SPECC1: variants seen among roughly 807,000 people sequenced by gnomAD.
SPECC1 encodes the protein cytospin-B.
A neutral mutation model predicts 104.1 loss-of-function variants in SPECC1; 62 were observed. That is an observed-to-expected ratio of 0.60 (90% CI 0.49 to 0.74). The LOEUF is 0.74. Ranked by LOEUF, SPECC1 falls within the 30% of genes least tolerant of loss-of-function variation. SPECC1 has a pLI of 0.00. For synonymous variants in SPECC1, 513 were observed against 501.6 expected, an observed-to-expected ratio of 1.02 and a Z score of -0.30; for missense variants, 1,306 against 1,310.5, an observed-to-expected ratio of 1.00 and a Z score of 0.05.
rs558083601 is a variant in SPECC1 at position 20,216,262 on chromosome 17, TC to T, written c.1863+10357del. 3.0e-3 allele frequency among the ~76,000 whole-genome samples: 459 copies of T among 151,640 alleles called. 4 individuals carry two copies. The highest frequency in any genetic ancestry group is 0.01 in the African/African-American group (431 of 41,336). On this transcript the variant is annotated intron_variant, in intron 4 of 14. Coordinates refer to ENST00000395527, the MANE Select transcript of SPECC1 (RefSeq NM_001243439.2). Reference sequence around the variant, plus strand: ...TTAATATCTGCAGTCGGGGAGAGCATCCCCCCCACCCCCAAGCACTTCCTCT... The same window carrying T: ...TTAATATCTGCAGTCGGGGAGAGCATCCCCCCACCCCCAAGCACTTCCTCT...
At chr17:20,310,017 T>G (rs2041887032) in intron 14 of SPECC1, among the ~76,000 whole-genome samples, 1 of 151,986 alleles carries the variant, frequency 6.6e-6, no homozygotes, top group Admixed American at 6.6e-5. Flanking sequence ...AAATGGGGTT[T>G]CATCATGTTA....
At chr17:20,218,108 C>G (rs545016643) in intron 4 of SPECC1, among the ~76,000 whole-genome samples, 4 of 152,294 alleles carry the variant, frequency 2.6e-5, no homozygotes, top group African/African-American at 9.6e-5. Context: ...ATATATTGGT[C>G]TTTCATGTAT....
intron 3 of SPECC1, among the ~76,000 whole-genome samples, chr17:20,132,816 T>C (rs1306182116): frequency 2.6e-5 from 4 of 152,040 alleles, no homozygotes; most frequent in Non-Finnish European, 5.9e-5. Flanking sequence ...CTCGGCTCAC[T>C]GCAAGCTCCA....
intron 3 of SPECC1, among the ~76,000 whole-genome samples, chr17:20,190,502 A>C (rs2035593356): frequency 6.6e-6 from 1 of 152,130 alleles, no homozygotes; most frequent in African/African-American, 2.4e-5. Flanking sequence ...TCTTTTTTAA[A>C]GAGCAGTTTT....
intron 12 of SPECC1, 137 bp from the exon 13 acceptor site, chr17:20,296,824 G>A (rs1455065891): frequency 2.8e-6 from 2 of 722,006 alleles, no homozygotes; most frequent in Non-Finnish European, 4.7e-6. Context: ...CTCTCTGTCT[G>A]TTATTGGTGT....
At chr17:20,150,417 A>G (rs2031896947) in intron 3 of SPECC1, among the ~76,000 whole-genome samples, 1 of 151,572 alleles carries the variant, frequency 6.6e-6, no homozygotes, top group Non-Finnish European at 1.5e-5. Context: ...AGGCGGGCAG[A>G]TCACCTGAGG....
At chr17:20,033,091 G>A (rs1454954481) in intron 1 of SPECC1, among the ~76,000 whole-genome samples, 8 of 151,672 alleles carry the variant, frequency 5.3e-5, no homozygotes, top group African/African-American at 1.9e-4. Flanking sequence ...AGCCTCCCGA[G>A]TAGCTGGGAT....
chr17:20,257,581 G>C lies in SPECC1; in HGVS notation c.2811G>C (p.Arg937=), dbSNP rs1387223502. The change falls in exon 11 of 15, where the codon CGG becomes CGC. Residue 937 remains arginine (R), a synonymous_variant. Transcript: ENST00000395527. ...CAAGACTGCTGAGTGCTTCCACCCG[G>C]GCATGGAAACCACAAAGCAAACTCA... ...GDTRLLSAST[R]AWKPQSKLSV... is the part of the protein sequence containing the mutation. 1.9e-6 allele frequency: 3 copies of C among 1,612,566 alleles called. No homozygotes were observed. Among genetic ancestry groups the C allele is most frequent in the Non-Finnish European group, 2.5e-6 (3 of 1,179,716 alleles).
chr17:20,058,861 A>T (rs2046072435), intron 1 of SPECC1, among the ~76,000 whole-genome samples: 1 of 124,720 alleles, frequency 8.0e-6, no homozygotes, highest in African/African-American at 3.1e-5. Flanking sequence ...TTTTTTTGAG[A>T]CAGAGTATCG....
At chr17:20,145,492 T>G (rs2031358608) in intron 3 of SPECC1, among the ~76,000 whole-genome samples, 1 of 152,166 alleles carries the variant, frequency 6.6e-6, no homozygotes, top group Non-Finnish European at 1.5e-5. Context: ...CCAGCTCCCC[T>G]CGTCATCACG....
intron 4 of SPECC1, among the ~76,000 whole-genome samples, chr17:20,210,685 C>G (rs1178569968): frequency 6.6e-6 from 1 of 152,210 alleles, no homozygotes; most frequent in East Asian, 1.9e-4. Context: ...CCCACCAGGC[C>G]TCCACTCCCT....
intron 1 of SPECC1, among the ~76,000 whole-genome samples, chr17:20,019,180 T>C (rs115546539): frequency 0.069 from 10,471 of 152,010 alleles, 995 homozygotes; most frequent in African/African-American, 0.21. Flanking sequence ...AATTTGAGAC[T>C]AGCCTGGCCA....
intron 1 of SPECC1, among the ~76,000 whole-genome samples, chr17:20,023,444 G>T (rs577186734): frequency 1.3e-5 from 2 of 152,286 alleles, no homozygotes; most frequent in South Asian, 4.1e-4. Context: ...CTTAATGTCT[G>T]GGTGGGGAGA....
chr17:20,307,704 A>G (rs1411013810), intron 14 of SPECC1, among the ~76,000 whole-genome samples: 3 of 152,190 alleles, frequency 2.0e-5, no homozygotes, highest in African/African-American at 4.8e-5. Context: ...AAAAAATCAG[A>G]CAATGGCCAT....
chr17:20,163,561 TCTC>T (rs2033364066), intron 3 of SPECC1, among the ~76,000 whole-genome samples: 2 of 149,568 alleles, frequency 1.3e-5, no homozygotes, highest in Non-Finnish European at 2.9e-5. Context: ...ATTCTCTCTC[TCTC>T]TTTTTTTTTT....
At chr17:20,279,144 C>T (rs1397273736) in intron 12 of SPECC1, among the ~76,000 whole-genome samples, 1 of 152,180 alleles carries the variant, frequency 6.6e-6, no homozygotes, top group Non-Finnish European at 1.5e-5. Context: ...TAGATAATCA[C>T]AGTCCCAGGT....
At chr17:20,014,799 C>T (rs1488677617) in intron 1 of SPECC1, among the ~76,000 whole-genome samples, 1 of 152,082 alleles carries the variant, frequency 6.6e-6, no homozygotes, top group Non-Finnish European at 1.5e-5. Flanking sequence ...CTCTGTCACC[C>T]AGGCTGGGAG....
Position 20,156,261 on chromosome 17 carries a change from G to C in SPECC1, c.283+45699G>C, listed in dbSNP as rs1325396434. The stretch of plus-strand genomic sequence containing the variant: ...GGTCTGTGCGGCTGGCGGGGGTCGC[G>C]CCGCAGCCGCAACCCCACCCCCCCT... On this transcript the variant is annotated intron_variant, in intron 3 of 14. Transcript: ENST00000395527. 5 of 1,324,104 alleles carry C rather than the reference G, an allele frequency of 3.8e-6. No individual in the cohort carries two copies. In the South Asian group the frequency reaches 9.5e-5, roughly 25 times the overall value. The allele number at this position is 1,324,104 out of a possible 1,614,324, so 82.0% of individuals were successfully genotyped here. A position where few individuals can be genotyped will look rare whatever the true frequency, so the allele number is the denominator to read the frequency against.
At chr17:20,113,017 A>G in intron 3 of SPECC1, 1 of 844,500 alleles carries the variant, frequency 1.2e-6, no homozygotes, top group Non-Finnish European at 2.1e-6. Context: ...AGGAACATGT[A>G]CAAGATGAAA....
Sources: gnomAD v4.1 joint callset for allele counts (sites outside exome capture counted in the v4.1 genomes callset) on GRCh38, gnomAD v4.1.1 for gene constraint, MANE v1.5 for transcripts, NCBI Gene and HGNC (gene_info 2026-07-23, HGNC 2026-07-21) for gene names.